PLA2G4E: variants seen among roughly 807,000 people sequenced by gnomAD.
PLA2G4E encodes cytosolic phospholipase A2 epsilon.
In PLA2G4E, 84 loss-of-function variants were observed where a neutral mutation model predicts 109.1. The observed-to-expected ratio is 0.77, with a 90% CI of 0.65 to 0.92. PLA2G4E has a LOEUF of 0.92. Among genes scored for constraint, PLA2G4E ranks in the 40% least tolerant of loss-of-function variants. The pLI is 0.00. For missense variants in PLA2G4E, 1,057 were observed against 1,076.6 expected (o/e 0.98, Z 0.25); for synonymous variants, 469 against 436.1 (o/e 1.08, Z -0.94).
intron 2 of PLA2G4E, among the ~76,000 whole-genome samples, chr15:42,011,376 G>A (rs925292593): frequency 6.6e-6 from 1 of 152,362 alleles, no homozygotes; most frequent in African/African-American, 2.4e-5. Flanking sequence ...GTGCAGGCAT[G>A]CATGGGGGCA....
chr15:42,007,849 AC>A lies in PLA2G4E; in HGVS notation c.272del (p.Cys91PhefsTer3). The A allele has an allele frequency of 2.5e-6, 4 of 1,605,596 alleles. No individual in the cohort carries two copies. Among genetic ancestry groups the A allele is most frequent in the Non-Finnish European group, 2.6e-6 (3 of 1,175,636 alleles). The stretch of plus-strand genomic sequence containing the variant: ...CGGTGGGCAGCCAGAGGCTCACAAA[AC>A]AGTCTGTCTGGCTCACTGTCCAAGA... On this transcript the variant is annotated frameshift_variant, in exon 3 of 20. Transcript: ENST00000399518. LOFTEE classifies it high-confidence loss of function.
chr15:42,010,751 C>G (rs180962475), intron 2 of PLA2G4E, among the ~76,000 whole-genome samples: 5 of 152,284 alleles, frequency 3.3e-5, no homozygotes, highest in African/African-American at 9.6e-5. Context: ...TTTAATTTCT[C>G]AAGAGAAACA....
chr15:41,986,496 C>T (rs2068143845), intron 17 of PLA2G4E, among the ~76,000 whole-genome samples: 1 of 152,078 alleles, frequency 6.6e-6, no homozygotes. Flanking sequence ...CCATCCCTGC[C>T]CAGTTCCAAG....
intron 1 of PLA2G4E, among the ~76,000 whole-genome samples, chr15:42,028,411 A>C (rs925282797): frequency 5.5e-5 from 8 of 146,642 alleles, no homozygotes; most frequent in African/African-American, 2.0e-4. Flanking sequence ...TTATTTATTT[A>C]TTTATTATTT....
chr15:42,031,254 C>T (rs759684514), intron 1 of PLA2G4E, among the ~76,000 whole-genome samples: 6 of 152,198 alleles, frequency 3.9e-5, no homozygotes, highest in Non-Finnish European at 8.8e-5. Context: ...CAGGTATGAG[C>T]CACCGCACAC....
intron 4 of PLA2G4E, among the ~76,000 whole-genome samples, chr15:42,005,199 A>G (rs1296439166): frequency 6.6e-6 from 1 of 152,110 alleles, no homozygotes; most frequent in Non-Finnish European, 1.5e-5. Context: ...CAGGGTGTGG[A>G]GCTGACCCCC....
rs73397812 is a variant in PLA2G4E, at chr15:42,013,286, C to T, written c.256+399G>A. On this transcript the variant is annotated intron_variant, in intron 2 of 19. Coordinates refer to ENST00000399518, the Ensembl canonical transcript of PLA2G4E. Reference sequence around the variant, plus strand: ...TGCCTAAGTGCCTCTCCTTCCACTTCACCCCAACAGGCCCTAACCGAAAGG... The same window carrying T: ...TGCCTAAGTGCCTCTCCTTCCACTTTACCCCAACAGGCCCTAACCGAAAGG... 6.5e-3 allele frequency among the ~76,000 whole-genome samples: 996 copies of T among 152,318 alleles called. 8 individuals are homozygous for T. The highest frequency in any genetic ancestry group is 0.023 in the African/African-American group (955 of 41,570).
chr15:42,002,153 C>A (rs976735383), intron 6 of PLA2G4E, among the ~76,000 whole-genome samples: 1 of 144,658 alleles, frequency 6.9e-6, no homozygotes, highest in Admixed American at 7.3e-5. Context: ...CTACAAAATA[C>A]AAAATAATAG....
intron 1 of PLA2G4E, among the ~76,000 whole-genome samples, chr15:42,042,964 G>C (rs1366457047): frequency 6.6e-6 from 1 of 152,216 alleles, no homozygotes; most frequent in Non-Finnish European, 1.5e-5. Context: ...TGACCTGATG[G>C]TGGAAATAGG....
At chr15:42,023,317 T>A (rs2068665085) in intron 1 of PLA2G4E, among the ~76,000 whole-genome samples, 1 of 151,584 alleles carries the variant, frequency 6.6e-6, no homozygotes, top group African/African-American at 2.4e-5. Flanking sequence ...GTCTGCCCTG[T>A]GTTCAGAGGT....
chr15:42,009,319 C>A (rs2068508500), intron 2 of PLA2G4E, among the ~76,000 whole-genome samples: 3 of 152,180 alleles, frequency 2.0e-5, no homozygotes, highest in African/African-American at 4.8e-5. Context: ...TTGATTTAAC[C>A]CTTTGTCTCT....
At chr15:42,001,174 C>T (rs201347466) in exon 7 of PLA2G4E, 58 of 1,613,664 alleles carry the variant, frequency 3.6e-5, no homozygotes, top group Non-Finnish European at 1.6e-5. Context: ...CCTCTTCCTC[C>T]GCCTCCTGGA....
chr15:42,029,084 T>C (rs1348059001), intron 1 of PLA2G4E, among the ~76,000 whole-genome samples: 1 of 152,064 alleles, frequency 6.6e-6, no homozygotes, highest in Non-Finnish European at 1.5e-5. Flanking sequence ...GCCAGCTTAG[T>C]GCTTTTCTTT....
intron 12 of PLA2G4E, among the ~76,000 whole-genome samples, 161 bp from the exon 13 acceptor site, chr15:41,993,120 G>A (rs2068279530): frequency 6.6e-6 from 1 of 152,220 alleles, no homozygotes; most frequent in Non-Finnish European, 1.5e-5. Flanking sequence ...AGACAGTGAG[G>A]AGCAGGGGAG....
At chr15:41,988,509 C>T (rs1021034360) in intron 15 of PLA2G4E, among the ~76,000 whole-genome samples, 12 of 152,126 alleles carry the variant, frequency 7.9e-5, no homozygotes, top group Admixed American at 7.2e-4. Context: ...TGGCACATGG[C>T]GAGCACTCAA....
chr15:42,006,013 CG>C lies in PLA2G4E; in HGVS notation c.501del (p.His167GlnfsTer2). The stretch of plus-strand genomic sequence containing the variant: ...ACCTGCGGGTTGAGTGGAAACTTCA[CG>C]TGGGTTTTCTTTCGGAAACAGAGCT... On this transcript the variant is annotated frameshift_variant, in exon 4 of 20. Transcript: ENST00000399518. LOFTEE classifies it high-confidence loss of function. 1 of 1,613,924 alleles carries C rather than the reference CG, an allele frequency of 6.2e-7. No homozygotes were observed. The highest frequency in any genetic ancestry group is 8.5e-7 in the Non-Finnish European group (1 of 1,179,832).
intron 1 of PLA2G4E, among the ~76,000 whole-genome samples, chr15:42,044,835 G>C (rs867150033): frequency 1.8e-4 from 28 of 152,218 alleles, no homozygotes; most frequent in Middle Eastern, 3.4e-3. Flanking sequence ...GCTGCTGGGT[G>C]GGGACAGAAT....
Position 42,013,583 on chromosome 15 carries a change from G to A in PLA2G4E, c.256+102C>T, listed in dbSNP as rs369910222. ...ACACCATGCACGTGCACACGTGCGC[G>A]CGCACACACACACACGGATCCACCT... On this transcript the variant is annotated intron_variant, in intron 2 of 19. Coordinates refer to ENST00000399518, the Ensembl canonical transcript of PLA2G4E. 75 of 1,130,274 alleles carry A rather than the reference G, an allele frequency of 6.6e-5. 2 individuals are homozygous for A. Among genetic ancestry groups the A allele is most frequent in the East Asian group, 2.6e-4 (10 of 38,830 alleles). 70.0% of individuals were successfully genotyped at this position (1,130,274 alleles called of 1,614,324 possible). A position where few individuals can be genotyped will look rare whatever the true frequency, so the allele number is the denominator to read the frequency against.
At position 42,030,593 on chromosome 15, in the gene PLA2G4E, G is replaced by A. The variant is rs371337306; in HGVS notation, c.184-16836C>T. 2.2e-3 allele frequency among the ~76,000 whole-genome samples: 337 copies of A among 152,310 alleles called. 1 individual carries two copies. The highest frequency in any genetic ancestry group is 7.8e-3 in the African/African-American group (325 of 41,554). Reference sequence around the variant, plus strand: ...GCAGGGCCTGTGTGAGAGGGAGATGGTGGGAGGCCAGGTGGCAGCCTTCAT... The same window carrying A: ...GCAGGGCCTGTGTGAGAGGGAGATGATGGGAGGCCAGGTGGCAGCCTTCAT... On this transcript the variant is annotated intron_variant, in intron 1 of 19. Coordinates refer to ENST00000399518, the Ensembl canonical transcript of PLA2G4E.
Sources: allele counts gnomAD v4.1 joint callset (sites outside exome capture counted in the v4.1 genomes callset), GRCh38; gene constraint gnomAD v4.1.1; transcripts MANE v1.5; gene names NCBI Gene and HGNC (gene_info 2026-07-23, HGNC 2026-07-21).